PRKAA2: variants seen among roughly 807,000 people sequenced by gnomAD.
PRKAA2 encodes the protein 5'-AMP-activated protein kinase catalytic subunit alpha-2.
PRKAA2 carries 40 observed loss-of-function variants against 56.3 expected under a neutral mutation model. The ratio of observed to expected loss-of-function variants is 0.71; its 90% confidence interval spans 0.55 to 0.92. The LOEUF (loss-of-function observed/expected upper bound fraction) is 0.92. Among genes scored for constraint, PRKAA2 ranks in the 40% least tolerant of loss-of-function variants. The probability of loss-of-function intolerance (pLI) is 0.00; values close to 1 mark genes in which losing one functional copy is unlikely to be tolerated. For synonymous variants in PRKAA2, 214 were observed against 234.2 expected (o/e 0.91, Z 0.79); for missense variants, 542 against 686.9 (o/e 0.79, Z 2.36).
At chr1:56,691,535 G>A in intron 3 of PRKAA2, 48 bp downstream of exon 3, 2 of 1,445,002 alleles carry the variant, frequency 1.4e-6, no homozygotes, top group Admixed American at 1.8e-5. Flanking sequence ...CTAATAAAAA[G>A]GAAAGTATTG....
rs2100443904 is a variant in PRKAA2, at chr1:56,709,563, G to A, written c.*1850G>A. The A allele has an allele frequency of 6.6e-6, 1 of 152,192 alleles. No homozygotes were observed. Among genetic ancestry groups the A allele is most frequent in the East Asian group, 1.9e-4 (1 of 5,190 alleles). 9.4% of individuals were successfully genotyped at this position (152,192 alleles called of 1,614,324 possible). A position where few individuals can be genotyped will look rare whatever the true frequency, so the allele number is the denominator to read the frequency against. ...TGTTAGCCTGGTCCATTATAGATATGGCATAGTTTTGGGTTCTCTAAATGG... is the reference window on the plus strand; with the variant it reads ...TGTTAGCCTGGTCCATTATAGATATAGCATAGTTTTGGGTTCTCTAAATGG... On this transcript the variant is annotated 3_prime_UTR_variant, in exon 9 of 9. Coordinates refer to ENST00000371244, the MANE Select transcript of PRKAA2 (RefSeq NM_006252.4).
chr1:56,670,826 T>C (rs1362573822), intron 1 of PRKAA2, among the ~76,000 whole-genome samples: 2 of 152,228 alleles, frequency 1.3e-5, no homozygotes, highest in Non-Finnish European at 2.9e-5. Context: ...GGTGTTTTTA[T>C]AATTTTATTT....
intron 1 of PRKAA2, among the ~76,000 whole-genome samples, chr1:56,655,280 A>ATAT: frequency 4.3e-5 from 4 of 93,680 alleles, no homozygotes; most frequent in African/African-American, 1.4e-4. Context: ...ATATATATAT[A>ATAT]TTTTTTTTTT....
chr1:56,668,126 T>C (rs536218572), intron 1 of PRKAA2, among the ~76,000 whole-genome samples: 4 of 152,056 alleles, frequency 2.6e-5, no homozygotes, highest in Non-Finnish European at 5.9e-5. Context: ...AGAAAAACTT[T>C]TCAAGCACCA....
chr1:56,664,590 A>G (rs1463477412), intron 1 of PRKAA2, among the ~76,000 whole-genome samples: 1 of 152,088 alleles, frequency 6.6e-6, no homozygotes, highest in Non-Finnish European at 1.5e-5. Context: ...TTTTAACAGT[A>G]GCAATAGGAC....
chr1:56,704,365 T>C lies in PRKAA2; in HGVS notation c.1183T>C (p.Leu395=), dbSNP rs1644317454. ...DALNTTKPKS[L]AVKKAKWHLG... is the part of the protein sequence containing the mutation. ...ACTGAATACGACTAAGCCCAAATCTTTAGCTGTGAAAAAAGCCAAGTGGCA... is the reference window on the plus strand; with the variant it reads ...ACTGAATACGACTAAGCCCAAATCTCTAGCTGTGAAAAAAGCCAAGTGGCA... The change falls in exon 7 of 9, where the codon TTA becomes CTA. Residue 395 remains leucine (L), a synonymous_variant. Transcript: ENST00000371244. 1 of 1,614,006 alleles carries C rather than the reference T, an allele frequency of 6.2e-7. No individual in the cohort carries two copies. The highest frequency in any genetic ancestry group is 8.5e-7 in the Non-Finnish European group (1 of 1,180,008).
chr1:56,669,857 A>G (rs1359019923), intron 1 of PRKAA2, among the ~76,000 whole-genome samples: 2 of 152,222 alleles, frequency 1.3e-5, no homozygotes, highest in Non-Finnish European at 2.9e-5. Context: ...TGTTAGTTGA[A>G]GGAGAGTCTA....
chr1:56,673,865 G>A (rs900830501), intron 1 of PRKAA2, among the ~76,000 whole-genome samples: 4 of 152,136 alleles, frequency 2.6e-5, no homozygotes, highest in Non-Finnish European at 5.9e-5. Context: ...GAAAGAGATA[G>A]AGATTCCATC....
Position 56,663,703 on chromosome 1 carries a change from C to G in PRKAA2, c.95-10678C>G, listed in dbSNP as rs574591449. Reference sequence around the variant, plus strand: ...TCGATTGACATGCCTATGATGTCGGCTGTCATTTCTGCCTGTCCTTTTCAA... The same window carrying G: ...TCGATTGACATGCCTATGATGTCGGGTGTCATTTCTGCCTGTCCTTTTCAA... On this transcript the variant is annotated intron_variant, in intron 1 of 8. Coordinates refer to ENST00000371244, the MANE Select transcript of PRKAA2 (RefSeq NM_006252.4). Among the ~76,000 whole-genome samples, 4 of 152,288 alleles carry G rather than the reference C, an allele frequency of 2.6e-5. No individual in the cohort carries two copies. In the East Asian group the frequency reaches 5.8e-4, roughly 22 times the overall value.
At chr1:56,652,387 C>T (rs1643908599) in intron 1 of PRKAA2, among the ~76,000 whole-genome samples, 1 of 151,390 alleles carries the variant, frequency 6.6e-6, no homozygotes, top group Non-Finnish European at 1.5e-5. Flanking sequence ...GCTCTCTTGA[C>T]CTTGTGATCC....
At chr1:56,679,602 A>G (rs770451339) in intron 2 of PRKAA2, among the ~76,000 whole-genome samples, 6 of 152,116 alleles carry the variant, frequency 3.9e-5, no homozygotes, top group African/African-American at 1.4e-4. Flanking sequence ...CTCTGAATTT[A>G]TCCATTTTTC....
chr1:56,692,383 T>C lies in PRKAA2; in HGVS notation c.356T>C (p.Leu119Pro). Residue 119 changes from leucine (L) to proline (P), a missense_variant, in exon 4 of 9, where the codon CTC becomes CCC. By Grantham distance (98) the Leu-to-Pro change is moderately conservative. Coordinates refer to ENST00000371244, the MANE Select transcript of PRKAA2 (RefSeq NM_006252.4). Reference protein sequence around the residue: ...GRVEEMEARRLFQQILSAVDY... With the variant: ...GRVEEMEARRPFQQILSAVDY... ...GTTGAAGAGATGGAAGCCAGGCGGC[T>C]CTTTCAGCAGATTCTGTCTGCTGTG... 1 of 1,614,094 alleles carries C rather than the reference T, an allele frequency of 6.2e-7. No homozygotes were observed. Among genetic ancestry groups the C allele is most frequent in the Non-Finnish European group, 8.5e-7 (1 of 1,180,002 alleles).
rs75978525 is a variant in PRKAA2, at chr1:56,660,316, C to T, written c.95-14065C>T. On this transcript the variant is annotated intron_variant, in intron 1 of 8. Coordinates refer to ENST00000371244, the MANE Select transcript of PRKAA2 (RefSeq NM_006252.4). The stretch of plus-strand genomic sequence containing the variant: ...ATGTACAAGTTCATTCTCTTAATAA[C>T]ATTTAAGTTCATTTTACATATTTTA... Among the ~76,000 whole-genome samples the T allele has an allele frequency of 2.0e-5, 3 of 152,292 alleles. No homozygotes were observed. The East Asian group carries it at 5.8e-4, about 29-fold the overall frequency.
intron 5 of PRKAA2, among the ~76,000 whole-genome samples, chr1:56,694,735 C>T (rs1434315800): frequency 1.3e-5 from 2 of 152,016 alleles, no homozygotes; most frequent in African/African-American, 2.4e-5. Context: ...TAATCACCCC[C>T]CTTAAGTCCC....
chr1:56,646,179 C>T (rs1646640941), intron 1 of PRKAA2, among the ~76,000 whole-genome samples: 1 of 152,094 alleles, frequency 6.6e-6, no homozygotes, highest in Non-Finnish European at 1.5e-5. Flanking sequence ...GGGGATGCTC[C>T]AGGGGCCAGA....
intron 4 of PRKAA2, among the ~76,000 whole-genome samples, chr1:56,693,096 T>C (rs914717351): frequency 5.9e-5 from 9 of 152,148 alleles, no homozygotes; most frequent in Non-Finnish European, 1.3e-4. Context: ...AGAAAAAGAC[T>C]AGGAAGTGAG....
chr1:56,677,510 A>G (rs1465880209), intron 2 of PRKAA2, among the ~76,000 whole-genome samples: 2 of 152,182 alleles, frequency 1.3e-5, no homozygotes, highest in Non-Finnish European at 2.9e-5. Flanking sequence ...TACAATGCCA[A>G]CCCTGAAAGA....
chr1:56,703,096 T>C (rs1035058274), intron 6 of PRKAA2, among the ~76,000 whole-genome samples: 4 of 152,168 alleles, frequency 2.6e-5, no homozygotes, highest in Non-Finnish European at 4.4e-5. Flanking sequence ...ATGAAAATGG[T>C]TTGGTATTCT....
intron 2 of PRKAA2, among the ~76,000 whole-genome samples, chr1:56,689,323 T>C (rs775383972): frequency 7.2e-5 from 11 of 152,240 alleles, no homozygotes; most frequent in Non-Finnish European, 7.3e-5. Context: ...CCAAAGTTCA[T>C]TTGAAATAGT....
Sources: gnomAD v4.1 joint callset for allele counts (sites outside exome capture counted in the v4.1 genomes callset) on GRCh38, gnomAD v4.1.1 for gene constraint, MANE v1.5 for transcripts, NCBI Gene and HGNC (gene_info 2026-07-23, HGNC 2026-07-21) for gene names.